Variants in PTPA observed in about 807,000 individuals in gnomAD.
The protein encoded by PTPA is serine/threonine-protein phosphatase 2A activator.
Under a neutral mutation model 43.6 loss-of-function variants are expected in PTPA, and 13 were observed. The ratio of observed to expected loss-of-function variants is 0.30; its 90% CI spans 0.19 to 0.47. PTPA has a LOEUF of 0.47. Among genes scored for constraint, PTPA ranks in the 20% least tolerant of loss-of-function variants. The probability of loss-of-function intolerance (pLI) is 0.99; values close to 1 mark genes in which losing one functional copy is unlikely to be tolerated. For missense variants in PTPA, 329 were observed against 411.9 expected (o/e 0.80, Z 1.74); for synonymous variants, 172 against 158.2 (o/e 1.09, Z -0.66).
intron 7 of PTPA, among the ~76,000 whole-genome samples, chr9:129,137,088 T>C (rs1850421108): frequency 6.6e-6 from 1 of 152,222 alleles, no homozygotes; most frequent in Non-Finnish European, 1.5e-5. Context: ...ACTCCCCAAC[T>C]CTTGAAGCTA....
rs1850953501 is a variant in PTPA at position 129,142,539 on chromosome 9, T to C, written c.881T>C (p.Met294Thr). The C allele has an allele frequency of 1.2e-6, 2 of 1,614,066 alleles. No individual in the cohort carries two copies. The highest frequency in any genetic ancestry group is 8.5e-7 in the Non-Finnish European group (1 of 1,179,978). ...WSKVNQGLIR[M>T]YKAECLEKFP... ...AAAGTGAACCAGGGTCTCATCCGCATGTATAAGGCCGAGGTGAGTGGGGGC... is the reference window on the plus strand; with the variant it reads ...AAAGTGAACCAGGGTCTCATCCGCACGTATAAGGCCGAGGTGAGTGGGGGC... The change falls in exon 9 of 10, where the codon ATG becomes ACG. Residue 294 changes from methionine to threonine, a missense_variant. Transcript: ENST00000393370.
chr9:129,133,869 C>G (rs1850160935), intron 5 of PTPA, among the ~76,000 whole-genome samples: 1 of 152,262 alleles, frequency 6.6e-6, no homozygotes, highest in South Asian at 2.1e-4. Context: ...TTTCTTGCCT[C>G]AAGGCCTGTG....
upstream of PTPA, chr9:129,111,226 C>T: frequency 1.8e-6 from 2 of 1,137,592 alleles, no homozygotes; most frequent in Non-Finnish European, 2.2e-6. Context: ...GAGCACAACC[C>T]AAACTTGACG....
Position 129,147,730 on chromosome 9 carries a change from C to T in PTPA, c.*266C>T, listed in dbSNP as rs373319052. The T allele has an allele frequency of 8.0e-5, 37 of 461,582 alleles. No homozygotes were observed. The highest frequency in any genetic ancestry group is 6.5e-4 in the South Asian group (29 of 44,504). The allele number at this position is 461,582 out of a possible 1,614,324, so 28.6% of individuals were successfully genotyped here. ...AGAGAGGGTCTGGGGCCTGGTCACT[C>T]GGCCACTCTCTCCTGTTTCTGGCCT... On this transcript the variant is annotated 3_prime_UTR_variant, in exon 10 of 10. Transcript: ENST00000393370.
chr9:129,115,406 A>G (rs920263078), intron 1 of PTPA, among the ~76,000 whole-genome samples: 1 of 152,116 alleles, frequency 6.6e-6, no homozygotes, highest in African/African-American at 2.4e-5. Flanking sequence ...CAGGTTCTCT[A>G]TCCTTCTCCT....
chr9:129,142,615 A>G (rs371034356), intron 9 of PTPA, 63 bp downstream of exon 9: 25 of 1,601,574 alleles, frequency 1.6e-5, no homozygotes, highest in Non-Finnish European at 2.1e-5. Flanking sequence ...GCTGGGGACA[A>G]AGCAAAAGAT....
In PTPA at chr9:129,122,030, G is replaced by A. The variant is rs190937515; in HGVS notation, c.130-1022G>A. On this transcript the variant is annotated intron_variant, in intron 2 of 9. Transcript: ENST00000393370. ...GAAAGGAAGAAAGAGAGAGGAAAAA[G>A]GGATGAAGAAGAAACAAAACCAATC... is the stretch of plus-strand genomic sequence containing the variant. Among the ~76,000 whole-genome samples the A allele has an allele frequency of 1.2e-4, 19 of 152,292 alleles. No homozygotes were observed. The East Asian group carries it at 3.7e-3, about 29-fold the overall frequency.
At chr9:129,131,355 G>A (rs1367115620) in intron 4 of PTPA, among the ~76,000 whole-genome samples, 167 bp from the exon 5 acceptor site, 1 of 152,220 alleles carries the variant, frequency 6.6e-6, no homozygotes, top group Non-Finnish European at 1.5e-5. Context: ...TTCTGCTGTG[G>A]AAGAATAAAT....
chr9:129,121,109 A>G (rs527444528), intron 2 of PTPA, among the ~76,000 whole-genome samples: 34 of 152,362 alleles, frequency 2.2e-4, no homozygotes, highest in African/African-American at 7.9e-4. Context: ...AATGATGGGC[A>G]GAAGATAACT....
At chr9:129,137,478 T>A in intron 7 of PTPA, 114 bp from the exon 8 acceptor site, 1 of 725,420 alleles carries the variant, frequency 1.4e-6, no homozygotes, top group South Asian at 1.8e-5. Context: ...AGGTGAGGTG[T>A]TGAGGGCACC....
Position 129,136,466 on chromosome 9 carries a change from T to C in PTPA, c.561-5T>C, listed in dbSNP as rs750660328. The C allele has an allele frequency of 5.6e-6, 9 of 1,612,154 alleles. No homozygotes were observed. The highest frequency in any genetic ancestry group is 7.6e-6 in the Non-Finnish European group (9 of 1,179,044). ...TACCTTCCCTTTCCCTGTCCTCCTG[T>C]GCAGGTACCTTGAGGTTATGCGGAA... On this transcript the variant is annotated splice_polypyrimidine_tract_variant and splice_region_variant and intron_variant, in intron 6 of 9. Transcript: ENST00000393370.
At chr9:129,114,459 G>A (rs535945581) in intron 1 of PTPA, among the ~76,000 whole-genome samples, 6 of 152,032 alleles carry the variant, frequency 3.9e-5, no homozygotes, top group Admixed American at 1.3e-4. Context: ...CTGAGAAAAA[G>A]CCTCAGTTAT....
chr9:129,123,542 C>T (rs1020538280), intron 3 of PTPA, among the ~76,000 whole-genome samples: 2 of 151,828 alleles, frequency 1.3e-5, no homozygotes, highest in Non-Finnish European at 2.9e-5. Context: ...AAAATAAGAT[C>T]GCCCAAATAC....
At position 129,144,608 on chromosome 9, in the gene PTPA, G is replaced by A. The variant is rs554396212; in HGVS notation, c.894+2056G>A. 1.8e-4 allele frequency among the ~76,000 whole-genome samples: 27 copies of A among 151,580 alleles called. No homozygotes were observed. In the South Asian group the frequency reaches 2.9e-3, roughly 16 times the overall value. On this transcript the variant is annotated intron_variant, in intron 9 of 9. Transcript: ENST00000393370. Reference sequence around the variant, plus strand: ...AAAAAAATTAGCCGGGCGTGGTGGCGGGTGCCTGTAGTCCCAGCTACTCGG... The same window carrying A: ...AAAAAAATTAGCCGGGCGTGGTGGCAGGTGCCTGTAGTCCCAGCTACTCGG...
chr9:129,131,975 T>C (rs1014241718), intron 5 of PTPA, among the ~76,000 whole-genome samples: 5 of 152,182 alleles, frequency 3.3e-5, no homozygotes, highest in African/African-American at 1.2e-4. Flanking sequence ...ACTTACTGTG[T>C]GTCAAGGCAG....
chr9:129,143,064 A>G (rs1334100561), intron 9 of PTPA: 1 of 754,958 alleles, frequency 1.3e-6, no homozygotes, highest in Non-Finnish European at 2.1e-6. Context: ...TTTGATGCAA[A>G]TGGTTTTCCC....
At chr9:129,114,406 G>A (rs1848736629) in intron 1 of PTPA, among the ~76,000 whole-genome samples, 1 of 152,212 alleles carries the variant, frequency 6.6e-6, no homozygotes, top group Non-Finnish European at 1.5e-5. Context: ...AGCTCTGTGA[G>A]CCTCAGTTAC....
chr9:129,111,236 G>A, upstream of PTPA: 1 of 1,140,002 alleles, frequency 8.8e-7, no homozygotes, highest in Non-Finnish European at 1.1e-6. Flanking sequence ...CAAACTTGAC[G>A]CCCCGCACAA....
intron 6 of PTPA, 131 bp downstream of exon 6, chr9:129,135,025 C>T: frequency 1.4e-6 from 1 of 708,112 alleles, no homozygotes; most frequent in South Asian, 1.9e-5. Context: ...CCTAATCAAG[C>T]TCTGGCTGTG....
Sources: gnomAD v4.1 joint callset for allele counts (sites outside exome capture counted in the v4.1 genomes callset) on GRCh38, gnomAD v4.1.1 for gene constraint, MANE v1.5 for transcripts, NCBI Gene and HGNC (gene_info 2026-07-23, HGNC 2026-07-21) for gene names.